The following KMT2C variants were observed in gnomAD, a reference collection of about 807,000 sequenced individuals.
KMT2C encodes the protein lysine methyltransferase 2C.
A neutral mutation model predicts 507.9 loss-of-function variants in KMT2C; 88 were observed. That is an observed-to-expected ratio of 0.17 (90% confidence interval 0.15 to 0.21). The LOEUF (loss-of-function observed/expected upper bound fraction) is 0.21, where lower values mean the gene tolerates loss of function less well. KMT2C is among the 10% of genes least tolerant of loss of function. The pLI is 1.00. For synonymous variants in KMT2C, 2,049 were observed against 2,080.8 expected (o/e 0.98, Z 0.42); for missense variants, 4,954 against 5,957.8 (o/e 0.83, Z 5.55).
rs1271405457 is a variant in KMT2C, at chr7:152,151,027, G to A, written c.12667-20C>T. 4 of 1,453,348 alleles carry A rather than the reference G, an allele frequency of 2.8e-6. No homozygotes were observed. The South Asian group carries it at 3.5e-5, about 13-fold the overall frequency. 90.0% of individuals were successfully genotyped at this position (1,453,348 alleles called of 1,614,324 possible). A position where few individuals can be genotyped will look rare whatever the true frequency, so the allele number is the denominator to read the frequency against. ...GGAATCCTGAAAAGCAAAGAGAAAT[G>A]TGTGGGAATCTCAACAAGTCAAAAT... On this transcript the variant is annotated intron_variant, in intron 50 of 58. Transcript: ENST00000262189.
chr7:152,341,443 A>G (rs1257519341), intron 2 of KMT2C, among the ~76,000 whole-genome samples: 1 of 152,188 alleles, frequency 6.6e-6, no homozygotes, highest in Non-Finnish European at 1.5e-5. Flanking sequence ...AGCAGTCAGT[A>G]TTTCAAACAC....
intron 1 of KMT2C, among the ~76,000 whole-genome samples, chr7:152,418,299 C>T (rs1211390476): frequency 6.6e-6 from 1 of 151,920 alleles, no homozygotes; most frequent in Non-Finnish European, 1.5e-5. Context: ...TAAAAATAAC[C>T]AAAATATGAA....
intron 1 of KMT2C, among the ~76,000 whole-genome samples, chr7:152,371,320 A>C (rs1277513483): frequency 6.6e-6 from 1 of 152,162 alleles, no homozygotes; most frequent in Non-Finnish European, 1.5e-5. Flanking sequence ...CTTAAAATAG[A>C]CTATTAACAC....
intron 31 of KMT2C, 99 bp from the exon 32 acceptor site, chr7:152,187,946 G>A: frequency 8.9e-7 from 1 of 1,122,582 alleles, no homozygotes; most frequent in Non-Finnish European, 1.3e-6. Context: ...AACTGCATGG[G>A]TCCACATAAA....
In KMT2C at chr7:152,180,723, C is replaced by A. The variant is rs767671441; in HGVS notation, c.7137G>T (p.Glu2379Asp). 1 of 1,610,232 alleles carries A rather than the reference C, an allele frequency of 6.2e-7. No individual in the cohort carries two copies. Among genetic ancestry groups the A allele is most frequent in the Admixed American group, 1.7e-5 (1 of 59,488 alleles). ...NTVNMAQADT[E>D]KLRQRQKLRE... Reference sequence around the variant, plus strand: ...ACAATGTGTTTACCTGTCTCAATTTCTCTGTATCTGCTTGGGCCATATTTA... The same window carrying A: ...ACAATGTGTTTACCTGTCTCAATTTATCTGTATCTGCTTGGGCCATATTTA... Residue 2379 changes from glutamate to aspartate, a missense_variant, in exon 36 of 59, where the codon GAG (glutamate) becomes GAT (aspartate). Glu to Asp is a conservative substitution (Grantham distance 45). Transcript: ENST00000262189.
intron 1 of KMT2C, among the ~76,000 whole-genome samples, chr7:152,385,091 A>G (rs913038110): frequency 2.6e-5 from 4 of 152,116 alleles, no homozygotes; most frequent in African/African-American, 7.2e-5. Flanking sequence ...ACTCTGACCA[A>G]GCCTCTGGTT....
intron 1 of KMT2C, among the ~76,000 whole-genome samples, chr7:152,414,643 C>T (rs1274269634): frequency 1.3e-5 from 2 of 151,570 alleles, no homozygotes; most frequent in Non-Finnish European, 2.9e-5. Flanking sequence ...TTACAGGCGC[C>T]CGGCATCATG....
intron 14 of KMT2C, among the ~76,000 whole-genome samples, chr7:152,241,131 A>G (rs916481738): frequency 3.9e-5 from 6 of 152,178 alleles, no homozygotes; most frequent in African/African-American, 1.4e-4. Context: ...CTCTTTATCA[A>G]TCAGAGCCCG....
At chr7:152,281,582 A>C (rs1183570999) in intron 6 of KMT2C, among the ~76,000 whole-genome samples, 1 of 152,080 alleles carries the variant, frequency 6.6e-6, no homozygotes, top group African/African-American at 2.4e-5. Context: ...AAATACAAAA[A>C]TTAGCTGGGC....
chr7:152,339,729 G>C (rs1462130265), intron 2 of KMT2C, among the ~76,000 whole-genome samples: 1 of 152,112 alleles, frequency 6.6e-6, no homozygotes, highest in Non-Finnish European at 1.5e-5. Flanking sequence ...TATGCTCTAT[G>C]AAAACAGGCA....
Position 152,177,618 on chromosome 7 carries a change from G to A in KMT2C, c.7835C>T (p.Pro2612Leu), listed in dbSNP as rs755530151. The A allele has an allele frequency of 1.9e-6, 3 of 1,614,132 alleles. No homozygotes were observed. Among genetic ancestry groups the A allele is most frequent in the Non-Finnish European group, 2.5e-6 (3 of 1,180,028 alleles). The part of the protein sequence containing the change: ...PRHTDPMRRP[P>L]QGLPNQLPVH... The stretch of plus-strand genomic sequence containing the variant: ...AGGTAGCTGATTAGGTAGACCCTGG[G>A]GAGGTCGTCGCATGGGGTCTGTGTG... Residue 2612 changes from proline to leucine, a missense_variant, in exon 38 of 59, where the codon CCC (proline) becomes CTC (leucine). Pro to Leu is a moderately conservative substitution (Grantham distance 98). Around this residue, in one of 29 missense-constraint regions of KMT2C, gnomAD observed 1,689 missense variants for 1,654.3 expected, o/e 1.02. Coordinates refer to ENST00000262189, the MANE Select transcript of KMT2C (RefSeq NM_170606.3).
In KMT2C at chr7:152,180,699, C is replaced by A. The variant is rs373539339; in HGVS notation, c.7149+12G>T. 1.3e-6 allele frequency: 2 copies of A among 1,573,778 alleles called. No individual in the cohort carries two copies. Among genetic ancestry groups the A allele is most frequent in the Admixed American group, 1.8e-5 (1 of 56,806 alleles). ...TAATACATTTAAAACTGAGAACATA[C>A]AATGTGTTTACCTGTCTCAATTTCT... On this transcript the variant is annotated intron_variant, in intron 36 of 58. Transcript: ENST00000262189.
chr7:152,344,360 G>A (rs547672712), intron 2 of KMT2C, among the ~76,000 whole-genome samples: 1 of 152,292 alleles, frequency 6.6e-6, no homozygotes, highest in East Asian at 1.9e-4. Context: ...CAGTATGGAT[G>A]TGCTGGACCA....
chr7:152,367,762 C>CT, intron 1 of KMT2C: 1 of 1,024,520 alleles, frequency 9.8e-7, no homozygotes. Context: ...GATAGTAAAT[C>CT]TGAGGACTAC....
At chr7:152,289,828 C>A (rs1016903244) in intron 6 of KMT2C, among the ~76,000 whole-genome samples, 100 of 152,006 alleles carry the variant, frequency 6.6e-4, no homozygotes, top group Non-Finnish European at 1.2e-3. Context: ...TTTGGGATCA[C>A]TGGAGGCCAG....
At chr7:152,292,526 T>C (rs1485661767) in intron 6 of KMT2C, among the ~76,000 whole-genome samples, 3 of 152,238 alleles carry the variant, frequency 2.0e-5, no homozygotes, top group Non-Finnish European at 2.9e-5. Context: ...CACTCATACC[T>C]GAATGTCGTT....
intron 1 of KMT2C, among the ~76,000 whole-genome samples, chr7:152,432,885 G>A (rs1236761140): frequency 6.6e-6 from 1 of 152,048 alleles, no homozygotes; most frequent in Non-Finnish European, 1.5e-5. Flanking sequence ...GGTGGCTCAC[G>A]CCTGTAATCC....
intron 1 of KMT2C, among the ~76,000 whole-genome samples, chr7:152,432,279 AG>A (rs2097869741): frequency 6.6e-6 from 1 of 152,230 alleles, no homozygotes; most frequent in Non-Finnish European, 1.5e-5. Context: ...ATAGTAGAGT[AG>A]AATGTTTCTT....
chr7:152,359,210 T>C (rs1031219550), intron 1 of KMT2C, among the ~76,000 whole-genome samples: 7 of 151,620 alleles, frequency 4.6e-5, no homozygotes, highest in African/African-American at 1.7e-4. Flanking sequence ...CATAATAAAA[T>C]TTAATTTATA....
Sources: gnomAD v4.1 joint callset for allele counts (sites outside exome capture counted in the v4.1 genomes callset) on GRCh38, gnomAD v4.1.1 for gene constraint, gnomAD v4.1.1 regional missense constraint, MANE v1.5 for transcripts, NCBI Gene and HGNC (gene_info 2026-07-23, HGNC 2026-07-21) for gene names.